RHOU: variants seen among roughly 807,000 people sequenced by gnomAD.
The protein encoded by RHOU is rho-related GTP-binding protein RhoU.
A neutral mutation model predicts 12.6 loss-of-function variants in RHOU; 8 were observed. That is an observed-to-expected ratio of 0.64 (90% CI 0.37 to 1.15). The LOEUF (loss-of-function observed/expected upper bound fraction) is 1.15. RHOU is among the 50% of genes most tolerant of loss of function. The pLI, the probability that RHOU is intolerant of heterozygous loss-of-function variation, is 0.01. For missense variants in RHOU, 258 were observed against 347.0 expected (o/e 0.74, Z 2.04); for synonymous variants, 161 against 147.4 (o/e 1.09, Z -0.67).
At position 228,737,764 on chromosome 1, in the gene RHOU, A is replaced by G. The variant is rs969599161; in HGVS notation, c.321+33A>G. 6.2e-7 allele frequency: 1 copy of G among 1,607,050 alleles called. No individual in the cohort carries two copies. The highest frequency in any genetic ancestry group is 8.5e-7 in the Non-Finnish European group (1 of 1,173,656). On this transcript the variant is annotated intron_variant, in intron 2 of 2. Coordinates refer to ENST00000366691, the MANE Select transcript of RHOU (RefSeq NM_021205.6). The surrounding 1 kb of genome is among the most constrained non-coding windows in gnomAD (Gnocchi z 4.1). ...TCACGTTACAGCTCAGTGCTGGGAA[A>G]GGAAACAGCCTTTTAAAGATTTCCA...
chr1:228,683,172 G>C, the RHOU span, among the ~76,000 whole-genome samples: 1 of 150,826 alleles, frequency 6.6e-6, no homozygotes, highest in East Asian at 1.9e-4. Context: ...ATTTTAACTC[G>C]GTTCTGAGTC....
At chr1:228,657,887 G>A in the RHOU span, among the ~76,000 whole-genome samples, 1 of 152,122 alleles carries the variant, frequency 6.6e-6, no homozygotes, top group Non-Finnish European at 1.5e-5. Flanking sequence ...CTGATAAACT[G>A]ACCTTTTTTC....
chr1:228,701,386 A>G, the RHOU span, among the ~76,000 whole-genome samples: 1 of 152,198 alleles, frequency 6.6e-6, no homozygotes, highest in Non-Finnish European at 1.5e-5. Flanking sequence ...AAAATATCTA[A>G]TAAAGACAGC....
the RHOU span, among the ~76,000 whole-genome samples, chr1:228,683,084 T>G: frequency 0.011 from 1,617 of 152,224 alleles, 28 homozygotes; most frequent in African/African-American, 0.037. Context: ...CTTGTTGAGT[T>G]GAATGCCCAG....
chr1:228,719,240 A>G, the RHOU span, among the ~76,000 whole-genome samples: 4 of 152,324 alleles, frequency 2.6e-5, no homozygotes, highest in East Asian at 7.7e-4. Context: ...TCATCAATCC[A>G]TGCATTCATC....
rs1283394765 is a variant in RHOU, at chr1:228,737,632, A to G, written c.263-41A>G. ...AACTATTAGTATTCCGAAAGGGGTT[A>G]AAAGACACCTCCTGATTGTCATTTT... On this transcript the variant is annotated intron_variant, in intron 1 of 2. Transcript: ENST00000366691. This position sits in a 1 kb window ranked among gnomAD's most constrained non-coding sequence, Gnocchi z 4.1. The G allele has an allele frequency of 5.0e-6, 8 of 1,601,028 alleles. No individual in the cohort carries two copies. The highest frequency in any genetic ancestry group is 6.8e-6 in the Non-Finnish European group (8 of 1,168,084).
At chr1:228,654,630 T>C in the RHOU span, among the ~76,000 whole-genome samples, 2 of 152,204 alleles carry the variant, frequency 1.3e-5, no homozygotes, top group South Asian at 2.1e-4. Context: ...CCTACCTCTT[T>C]TACTTGGCAT....
Position 228,738,775 on chromosome 1 carries a change from T to C in RHOU, c.321+1044T>C, listed in dbSNP as rs1254614145. Among the ~76,000 whole-genome samples, 3 of 152,158 alleles carry C rather than the reference T, an allele frequency of 2.0e-5. No individual in the cohort carries two copies. The highest frequency in any genetic ancestry group is 6.5e-5 in the Admixed American group (1 of 15,268). On this transcript the variant is annotated intron_variant, in intron 2 of 2. Transcript: ENST00000366691. This position sits in a 1 kb window ranked among gnomAD's most constrained non-coding sequence, Gnocchi z 4.2. ...AGGAACACCGGGCTGGTGCAGGCCA[T>C]AGCTTGGGAGCACTTCAGCTTGGAA...
the RHOU span, among the ~76,000 whole-genome samples, chr1:228,715,701 T>G: frequency 6.6e-6 from 1 of 152,156 alleles, no homozygotes; most frequent in Non-Finnish European, 1.5e-5. Flanking sequence ...ATCTTCATTT[T>G]AGTTCTATAT....
Position 228,743,289 on chromosome 1 carries a change from A to G in RHOU, c.326A>G (p.Glu109Gly), listed in dbSNP as rs1331821832. 6.2e-7 allele frequency: 1 copy of G among 1,611,298 alleles called. No individual in the cohort carries two copies. The change falls in exon 3 of 3, where the codon GAA becomes GGA. Residue 109 changes from glutamate (E) to glycine (G), a missense_variant. Glu to Gly is a moderately conservative substitution (Grantham distance 98). Coordinates refer to ENST00000366691, the MANE Select transcript of RHOU (RefSeq NM_021205.6). The surrounding 1 kb of genome is among the most constrained non-coding windows in gnomAD (Gnocchi z 5.1). ...LQLCDTAGQD[E>G]FDKLRPLCYT... is the part of the protein sequence containing the mutation. Reference sequence around the variant, plus strand: ...GGGTACTTTGCTTGGTTGCAGGATGAATTTGACAAGCTGAGGCCTCTCTGC... The same window carrying G: ...GGGTACTTTGCTTGGTTGCAGGATGGATTTGACAAGCTGAGGCCTCTCTGC...
At chr1:228,680,119 C>T in the RHOU span, among the ~76,000 whole-genome samples, 1 of 152,080 alleles carries the variant, frequency 6.6e-6, no homozygotes, top group Non-Finnish European at 1.5e-5. Flanking sequence ...AGTGGGTTGC[C>T]TCCGTATTGA....
At chr1:228,659,271 G>C in the RHOU span, among the ~76,000 whole-genome samples, 3 of 152,058 alleles carry the variant, frequency 2.0e-5, no homozygotes, top group South Asian at 6.2e-4. Context: ...CCAGCTACTT[G>C]GGAGGCTGAG....
At chr1:228,690,246 A>T in the RHOU span, among the ~76,000 whole-genome samples, 1 of 152,168 alleles carries the variant, frequency 6.6e-6, no homozygotes, top group Non-Finnish European at 1.5e-5. Context: ...AAGGAAAGGA[A>T]GAAAAGGAAG....
chr1:228,742,598 A>G (rs12060173), intron 2 of RHOU, among the ~76,000 whole-genome samples: 12,196 of 152,312 alleles, frequency 0.08, 1,588 homozygotes, highest in African/African-American at 0.27. Context: ...ATGAGGATGT[A>G]TTAACTAGTG....
At chr1:228,669,713 G>C in the RHOU span, among the ~76,000 whole-genome samples, 1 of 152,148 alleles carries the variant, frequency 6.6e-6, no homozygotes, top group African/African-American at 2.4e-5. Context: ...TACTTTTTCT[G>C]AACCTGATAA....
chr1:228,700,087 A>C, the RHOU span, among the ~76,000 whole-genome samples: 4 of 152,196 alleles, frequency 2.6e-5, no homozygotes, highest in African/African-American at 4.8e-5. Context: ...ATATAATGGA[A>C]GTTTTAAGGA....
chr1:228,685,317 CA>C, the RHOU span, among the ~76,000 whole-genome samples: 26 of 152,334 alleles, frequency 1.7e-4, no homozygotes, highest in African/African-American at 5.5e-4. Flanking sequence ...CAGTAGGCCT[CA>C]GCCTTATTTT....
chr1:228,733,389 C>G (rs937002502), upstream of RHOU, among the ~76,000 whole-genome samples: 13 of 152,324 alleles, frequency 8.5e-5, no homozygotes, highest in African/African-American at 3.1e-4. Flanking sequence ...CTCACTGGAG[C>G]CTCGACTTCC....
At chr1:228,718,283 T>G in the RHOU span, among the ~76,000 whole-genome samples, 1 of 152,206 alleles carries the variant, frequency 6.6e-6, no homozygotes, top group African/African-American at 2.4e-5. Flanking sequence ...GATGGTAGGA[T>G]GATGCAAATA....
Sources: gnomAD v4.1 joint callset for allele counts (sites outside exome capture counted in the v4.1 genomes callset) on GRCh38, gnomAD v4.1.1 for gene constraint, Gnocchi (gnomAD v3.1) non-coding constraint, MANE v1.5 for transcripts, NCBI Gene and HGNC (gene_info 2026-07-23, HGNC 2026-07-21) for gene names.